TSHZ2: variants seen among roughly 807,000 people sequenced by gnomAD.
TSHZ2 encodes the protein teashirt zinc finger homeobox 2.
Under a neutral mutation model 74.4 loss-of-function variants are expected in TSHZ2, and 21 were observed. The ratio of observed to expected loss-of-function variants is 0.28; its 90% CI spans 0.20 to 0.41. The LOEUF (loss-of-function observed/expected upper bound fraction) is 0.41, where lower values mean the gene tolerates loss of function less well. Among genes scored for constraint, TSHZ2 ranks in the 10% least tolerant of loss-of-function variants. TSHZ2 has a pLI of 1.00. For synonymous variants in TSHZ2, 540 were observed against 515.3 expected (o/e 1.05, Z -0.65); for missense variants, 1,244 against 1,293.5 (o/e 0.96, Z 0.59).
intron 2 of TSHZ2, among the ~76,000 whole-genome samples, chr20:53,282,723 G>A (rs1991089067): frequency 6.6e-6 from 1 of 152,230 alleles, no homozygotes; most frequent in East Asian, 1.9e-4. Context: ...TTTCAGACTG[G>A]TGATTCGAAG....
At chr20:53,053,541 C>T (rs1432627492) in intron 1 of TSHZ2, among the ~76,000 whole-genome samples, 2 of 150,594 alleles carry the variant, frequency 1.3e-5, no homozygotes, top group African/African-American at 4.9e-5. Flanking sequence ...AAAACTGCTT[C>T]CATTTGTCTT....
intron 2 of TSHZ2, among the ~76,000 whole-genome samples, chr20:53,291,993 T>TA (rs11411553): frequency 0.16 from 22,656 of 141,110 alleles, 1,661 homozygotes; most frequent in Middle Eastern, 0.23. Context: ...GGATAGCATT[T>TA]AAAAAAAAAA....
intron 1 of TSHZ2, among the ~76,000 whole-genome samples, chr20:52,988,151 T>C (rs1981841849): frequency 6.6e-6 from 1 of 152,176 alleles, no homozygotes; most frequent in South Asian, 2.1e-4. Context: ...ATGATGAACA[T>C]GACACTAACT....
intron 1 of TSHZ2, among the ~76,000 whole-genome samples, chr20:53,114,982 T>A (rs1292399052): frequency 6.6e-6 from 1 of 151,810 alleles, no homozygotes; most frequent in African/African-American, 2.4e-5. Context: ...CATGTGGGAG[T>A]GTTAATTCTC....
intron 2 of TSHZ2, among the ~76,000 whole-genome samples, chr20:53,402,368 T>A (rs945140485): frequency 6.6e-6 from 1 of 152,150 alleles, no homozygotes; most frequent in Non-Finnish European, 1.5e-5. Context: ...ATACTCACCA[T>A]GGGTGTTGCA....
At chr20:53,036,064 T>C (rs1983806923) in intron 1 of TSHZ2, among the ~76,000 whole-genome samples, 1 of 152,200 alleles carries the variant, frequency 6.6e-6, no homozygotes, top group East Asian at 1.9e-4. Flanking sequence ...AATTTTCCTC[T>C]AACTCAATGA....
chr20:53,343,524 C>A (rs1243010447), intron 2 of TSHZ2, among the ~76,000 whole-genome samples: 1 of 152,216 alleles, frequency 6.6e-6, no homozygotes, highest in African/African-American at 2.4e-5. Context: ...CAACTCCAAC[C>A]TCTCCAGCAG....
At chr20:53,310,221 G>A (rs1978721510) in intron 2 of TSHZ2, among the ~76,000 whole-genome samples, 1 of 152,186 alleles carries the variant, frequency 6.6e-6, no homozygotes, top group African/African-American at 2.4e-5. Flanking sequence ...AAGTTGTATG[G>A]TCAGTGGAGG....
chr20:53,071,398 C>A (rs1489487169), intron 1 of TSHZ2, among the ~76,000 whole-genome samples: 1 of 152,228 alleles, frequency 6.6e-6, no homozygotes, highest in Non-Finnish European at 1.5e-5. Context: ...AATTAAAATT[C>A]ACATTTCATG....
At chr20:52,988,495 A>G (rs1421337107) in intron 1 of TSHZ2, among the ~76,000 whole-genome samples, 1 of 152,128 alleles carries the variant, frequency 6.6e-6, no homozygotes, top group African/African-American at 2.4e-5. Context: ...GACTCACATA[A>G]ATAAACTTCC....
chr20:53,304,440 A>G (rs1241181148), intron 2 of TSHZ2, among the ~76,000 whole-genome samples: 1 of 151,952 alleles, frequency 6.6e-6, no homozygotes, highest in Non-Finnish European at 1.5e-5. Flanking sequence ...GGCTGCCATG[A>G]TGCTTGTTTC....
chr20:53,158,465 T>C (rs1288757383), intron 1 of TSHZ2, among the ~76,000 whole-genome samples: 3 of 147,198 alleles, frequency 2.0e-5, no homozygotes, highest in Non-Finnish European at 2.9e-5. Context: ...CTGATAGTGG[T>C]GGGCTGATAG....
chr20:53,117,394 C>A (rs538676668), intron 1 of TSHZ2, among the ~76,000 whole-genome samples: 1 of 152,176 alleles, frequency 6.6e-6, no homozygotes, highest in Admixed American at 6.5e-5. Context: ...AGGTATCAGG[C>A]TCTGTTCTAG....
intron 1 of TSHZ2, among the ~76,000 whole-genome samples, chr20:53,086,058 C>T (rs993853689): frequency 4.6e-5 from 7 of 152,224 alleles, no homozygotes; most frequent in African/African-American, 1.7e-4. Flanking sequence ...GAGGCCGTGT[C>T]TTCTGGTCTC....
intron 1 of TSHZ2, among the ~76,000 whole-genome samples, chr20:53,245,001 G>A (rs1990168260): frequency 6.6e-6 from 1 of 152,138 alleles, no homozygotes; most frequent in South Asian, 2.1e-4. Context: ...AAGATTTAGG[G>A]ATAACACAGA....
chr20:53,233,569 T>C (rs1568826158), intron 1 of TSHZ2, among the ~76,000 whole-genome samples: 2 of 152,294 alleles, frequency 1.3e-5, no homozygotes, highest in African/African-American at 2.4e-5. Context: ...TATCCTTGCT[T>C]TACAGATGAG....
Position 53,488,284 on chromosome 20 carries a change from G to C in TSHZ2, c.*1149G>C, listed in dbSNP as rs1236051400. The C allele has an allele frequency of 6.6e-6, 1 of 152,092 alleles. No individual in the cohort carries two copies. Among genetic ancestry groups the C allele is most frequent in the Admixed American group, 6.5e-5 (1 of 15,268 alleles). The allele number at this position is 152,092 out of a possible 1,614,324, so 9.4% of individuals were successfully genotyped here. ...TAAAAATTCCAATAGAACTGTATTA[G>C]ATTTTCTCCATTAAATTAACGTTAT... On this transcript the variant is annotated 3_prime_UTR_variant, in exon 3 of 3. Transcript: ENST00000371497.
At chr20:53,181,058 C>T (rs1988456628) in intron 1 of TSHZ2, among the ~76,000 whole-genome samples, 1 of 152,134 alleles carries the variant, frequency 6.6e-6, no homozygotes. Context: ...TTCTTTTTCA[C>T]ATGTTCCTCC....
intron 2 of TSHZ2, among the ~76,000 whole-genome samples, chr20:53,347,277 C>G (rs1980474796): frequency 6.6e-6 from 1 of 152,160 alleles, no homozygotes; most frequent in African/African-American, 2.4e-5. Context: ...AGTAGCACTC[C>G]CATTCCTGAG....
Sources: allele counts gnomAD v4.1 joint callset (sites outside exome capture counted in the v4.1 genomes callset), GRCh38; gene constraint gnomAD v4.1.1; transcripts MANE v1.5; gene names NCBI Gene and HGNC (gene_info 2026-07-23, HGNC 2026-07-21).